The following HERC1 variants were observed in gnomAD, a reference collection of about 807,000 sequenced individuals.
HERC1 encodes probable E3 ubiquitin-protein ligase HERC1.
In HERC1, 160 loss-of-function variants were observed where a neutral mutation model predicts 554.3. That is an observed-to-expected ratio of 0.29 (90% CI 0.25 to 0.33). HERC1 has a LOEUF of 0.33. HERC1 is among the 10% of genes least tolerant of loss of function. The probability of loss-of-function intolerance (pLI) is 1.00; values close to 1 mark genes in which losing one functional copy is unlikely to be tolerated. For missense variants in HERC1, 4,919 were observed against 5,918.5 expected (o/e 0.83, Z 5.54); for synonymous variants, 2,175 against 2,131.7 (o/e 1.02, Z -0.56).
chr15:63,724,091 A>G (rs2073936800), intron 18 of HERC1, among the ~76,000 whole-genome samples: 1 of 152,358 alleles, frequency 6.6e-6, no homozygotes, highest in South Asian at 2.1e-4. Flanking sequence ...TAATAGTTTC[A>G]TGATTTTATA....
In HERC1 at chr15:63,612,210, T is replaced by C; in HGVS notation, c.14400+41A>G. The C allele has an allele frequency of 6.6e-7, 1 of 1,506,362 alleles. No individual in the cohort carries two copies. Among genetic ancestry groups the C allele is most frequent in the Non-Finnish European group, 9.0e-7 (1 of 1,111,120 alleles). 93.3% of individuals were successfully genotyped at this position (1,506,362 alleles called of 1,614,324 possible). On this transcript the variant is annotated intron_variant, in intron 77 of 77. Transcript: ENST00000443617. This position sits in a 1 kb window ranked among gnomAD's most constrained non-coding sequence, Gnocchi z 5.0. The stretch of plus-strand genomic sequence containing the variant: ...CTCAACAAAAACAACAATGAAGCAA[T>C]AAGGCAGACATTACAAAGGAAAAAA...
chr15:63,694,763 C>T lies in HERC1; in HGVS notation c.5242+11G>A, dbSNP rs759108353. 6.2e-6 allele frequency: 10 copies of T among 1,613,768 alleles called. No homozygotes were observed. The Admixed American group carries it at 6.7e-5, about 11-fold the overall frequency. On this transcript the variant is annotated intron_variant, in intron 28 of 77. Transcript: ENST00000443617. This position sits in a 1 kb window ranked among gnomAD's most constrained non-coding sequence, Gnocchi z 4.3. Reference sequence around the variant, plus strand: ...ACCTGCACTGTACATTTGCAGGAACCGTTTACTTACCAATGTGATGCTTGT... The same window carrying T: ...ACCTGCACTGTACATTTGCAGGAACTGTTTACTTACCAATGTGATGCTTGT...
chr15:63,654,191 C>G lies in HERC1; in HGVS notation c.10218G>C (p.Leu3406=), dbSNP rs367944555. The G allele has an allele frequency of 1.2e-4, 190 of 1,614,048 alleles. 3 individuals are homozygous for G. The African/African-American group carries it at 2.1e-3, about 18-fold the overall frequency. Residue 3406 remains leucine, a synonymous_variant, in exon 51 of 78, where the codon CTG becomes CTC. Coordinates refer to ENST00000443617, the MANE Select transcript of HERC1 (RefSeq NM_003922.4). ...AAHDRDNQTT[L]QTLADMGGDL... The stretch of plus-strand genomic sequence containing the variant: ...CTCCTCCCATATCAGCAAGTGTCTG[C>G]AGAGTAGTTTGGTTGTCACGGTCGT...
intron 74 of HERC1, among the ~76,000 whole-genome samples, chr15:63,622,125 G>C (rs985617238): frequency 6.6e-6 from 1 of 152,048 alleles, no homozygotes; most frequent in Non-Finnish European, 1.5e-5. Context: ...GTATGTAATT[G>C]CAAATACTAA....
intron 1 of HERC1, among the ~76,000 whole-genome samples, chr15:63,807,818 T>C (rs1188714583): frequency 6.6e-6 from 1 of 152,168 alleles, no homozygotes; most frequent in Non-Finnish European, 1.5e-5. Context: ...TGTTGTCCTC[T>C]GTAATGCCCG....
At chr15:63,617,691 G>C (rs571995865) in intron 74 of HERC1, among the ~76,000 whole-genome samples, 1 of 152,126 alleles carries the variant, frequency 6.6e-6, no homozygotes, top group African/African-American at 2.4e-5. Flanking sequence ...ACTTCTTAAT[G>C]ATCGCCATTC....
chr15:63,651,760 TG>T (rs1339137576), intron 52 of HERC1, among the ~76,000 whole-genome samples: 3 of 152,166 alleles, frequency 2.0e-5, no homozygotes, highest in Non-Finnish European at 4.4e-5. Flanking sequence ...AAAATGCGGC[TG>T]GGCGTAGTGG....
intron 12 of HERC1, among the ~76,000 whole-genome samples, chr15:63,743,263 C>CTTTTTTTTTTTTTTTTTTTTTTT (rs71131177): frequency 9.2e-6 from 1 of 109,174 alleles, no homozygotes; most frequent in African/African-American, 3.6e-5. Flanking sequence ...TTTTCTTTTT[C>CTTTTTTTTTTTTTTTTTTTTTTT]TTTTTTTTTT....
chr15:63,828,821 G>A (rs2078028848), intron 1 of HERC1, among the ~76,000 whole-genome samples: 1 of 152,006 alleles, frequency 6.6e-6, no homozygotes, highest in Non-Finnish European at 1.5e-5. Flanking sequence ...TAAAGGGAGT[G>A]GTAAAGAAAA....
At chr15:63,633,996 G>C (rs1466064782) in intron 66 of HERC1, 26 bp from the exon 67 acceptor site, 1 of 1,613,154 alleles carries the variant, frequency 6.2e-7, no homozygotes, top group Middle Eastern at 1.7e-4. Flanking sequence ...CATTCCGTAA[G>C]GCAAATCACA....
chr15:63,741,306 C>T (rs999379257), intron 12 of HERC1, among the ~76,000 whole-genome samples: 25 of 151,386 alleles, frequency 1.7e-4, no homozygotes, highest in African/African-American at 3.9e-4. Context: ...GGATTACAGG[C>T]GTGAGCCACC....
At chr15:63,715,528 C>A (rs946010408) in intron 22 of HERC1, among the ~76,000 whole-genome samples, 2 of 152,094 alleles carry the variant, frequency 1.3e-5, no homozygotes, top group Non-Finnish European at 2.9e-5. Flanking sequence ...CAAGCCCCCT[C>A]AAAAATCATT....
intron 76 of HERC1, among the ~76,000 whole-genome samples, chr15:63,613,323 G>A (rs555903760): frequency 5.0e-4 from 76 of 152,346 alleles, no homozygotes; most frequent in African/African-American, 1.3e-3. Flanking sequence ...CTGGGCACAG[G>A]CAAGTTGGGG....
rs1439216780 is a variant in HERC1 at position 63,800,428 on chromosome 15, A to G, written c.-26-24779T>C. On this transcript the variant is annotated intron_variant, in intron 1 of 77. Transcript: ENST00000443617. Reference sequence around the variant, plus strand: ...GAACTTTGCACAGGCAGTTCTCTTTATTTAGAGCCTGCCTTCTCCATTCCA... The same window carrying G: ...GAACTTTGCACAGGCAGTTCTCTTTGTTTAGAGCCTGCCTTCTCCATTCCA... Among the ~76,000 whole-genome samples, 4 of 152,294 alleles carry G rather than the reference A, an allele frequency of 2.6e-5. No individual in the cohort carries two copies. The East Asian group carries it at 7.7e-4, about 29-fold the overall frequency.
At chr15:63,753,301 A>T (rs909439867) in intron 7 of HERC1, among the ~76,000 whole-genome samples, 1 of 152,198 alleles carries the variant, frequency 6.6e-6, no homozygotes, top group Admixed American at 6.5e-5. Flanking sequence ...AATTTCAAGC[A>T]ATTAAAATCA....
rs1364217419 is a variant in HERC1 at position 63,774,726 on chromosome 15, T to C, written c.898A>G (p.Met300Val). Residue 300 changes from methionine (M) to valine (V), a missense_variant, in exon 2 of 78, where the codon ATG becomes GTG. Coordinates refer to ENST00000443617, the MANE Select transcript of HERC1 (RefSeq NM_003922.4). ...CGCCTCATCTGCATTAATATGGTCATAAAGCAGTCAAAGCTGATCATTCCT... is the reference window on the plus strand; with the variant it reads ...CGCCTCATCTGCATTAATATGGTCACAAAGCAGTCAAAGCTGATCATTCCT... Reference protein sequence around the residue: ...QEGMISFDCFMTILMQMRRSL... With the variant: ...QEGMISFDCFVTILMQMRRSL... 1 of 1,613,306 alleles carries C rather than the reference T, an allele frequency of 6.2e-7. No individual in the cohort carries two copies. The highest frequency in any genetic ancestry group is 8.5e-7 in the Non-Finnish European group (1 of 1,179,668).
intron 39 of HERC1, among the ~76,000 whole-genome samples, chr15:63,669,951 A>G (rs180984838): frequency 3.3e-5 from 5 of 152,212 alleles, no homozygotes; most frequent in African/African-American, 1.2e-4. Flanking sequence ...GAATACAGCC[A>G]TTAGCAAAAT....
intron 1 of HERC1, among the ~76,000 whole-genome samples, chr15:63,833,252 T>C (rs2078217439): frequency 1.3e-5 from 2 of 151,976 alleles, no homozygotes; most frequent in Non-Finnish European, 2.9e-5. Flanking sequence ...GGCGGGAGAT[T>C]TGGAGAAAGG....
intron 12 of HERC1, among the ~76,000 whole-genome samples, chr15:63,745,287 C>T (rs2075015426): frequency 6.6e-6 from 1 of 152,212 alleles, no homozygotes; most frequent in African/African-American, 2.4e-5. Flanking sequence ...TCACCTGCCC[C>T]TCTGTCCACT....
Sources: gnomAD v4.1 joint callset for allele counts (sites outside exome capture counted in the v4.1 genomes callset) on GRCh38, gnomAD v4.1.1 for gene constraint, Gnocchi (gnomAD v3.1) non-coding constraint, MANE v1.5 for transcripts, NCBI Gene and HGNC (gene_info 2026-07-23, HGNC 2026-07-21) for gene names.